Variants in DOCK5 observed in about 807,000 individuals in gnomAD.
DOCK5 encodes the protein dedicator of cytokinesis 5.
In DOCK5, 142 loss-of-function variants were observed where a neutral mutation model predicts 251.8. That is an observed-to-expected ratio of 0.56 (90% CI 0.49 to 0.65). The LOEUF (loss-of-function observed/expected upper bound fraction) is 0.65. Among genes scored for constraint, DOCK5 ranks in the 30% least tolerant of loss-of-function variants. The probability of loss-of-function intolerance (pLI) is 0.00; values close to 1 mark genes in which losing one functional copy is unlikely to be tolerated. For synonymous variants in DOCK5, 842 were observed against 835.5 expected (o/e 1.01, Z -0.13); for missense variants, 2,111 against 2,312.3 (o/e 0.91, Z 1.79).
intron 28 of DOCK5, among the ~76,000 whole-genome samples, chr8:25,359,523 C>G (rs113230978): frequency 6.6e-6 from 1 of 152,308 alleles, no homozygotes; most frequent in East Asian, 1.9e-4. Flanking sequence ...GGAACCTGGC[C>G]GCACAGCAGG....
chr8:25,371,696 T>A (rs984419167), intron 34 of DOCK5, among the ~76,000 whole-genome samples: 8 of 152,236 alleles, frequency 5.3e-5, no homozygotes, highest in Non-Finnish European at 7.3e-5. Context: ...ACACAATATT[T>A]ATACATGATA....
chr8:25,338,747 A>C (rs1044430966), intron 22 of DOCK5, among the ~76,000 whole-genome samples: 1 of 152,246 alleles, frequency 6.6e-6, no homozygotes, highest in African/African-American at 2.4e-5. Context: ...CTCTTACCCA[A>C]AAGTTTGTAT....
At chr8:25,295,070 C>T (rs1804584305) in intron 6 of DOCK5, among the ~76,000 whole-genome samples, 1 of 152,138 alleles carries the variant, frequency 6.6e-6, no homozygotes, top group African/African-American at 2.4e-5. Flanking sequence ...CAAGAGCTAA[C>T]ATTTATGCTT....
chr8:25,304,097 C>G (rs527957633), intron 10 of DOCK5, among the ~76,000 whole-genome samples, 158 bp from the exon 11 acceptor site: 1 of 152,306 alleles, frequency 6.6e-6, no homozygotes, highest in African/African-American at 2.4e-5. Context: ...GGGCTAGGTA[C>G]ACTGGGAATC....
intron 1 of DOCK5, among the ~76,000 whole-genome samples, chr8:25,194,834 C>G (rs2117447516): frequency 6.6e-6 from 1 of 152,274 alleles, no homozygotes; most frequent in Middle Eastern, 3.4e-3. Context: ...TGTCCTTCCT[C>G]CAAAATATGT....
Position 25,411,210 on chromosome 8 carries a change from C to G in DOCK5, c.5525C>G (p.Pro1842Arg). Reference sequence around the variant, plus strand: ...CTTCTGCAGCTCGCTCCCCCACTGCCTGTCCGAAGAGAAGCCAAAGCACCA... The same window carrying G: ...CTTCTGCAGCTCGCTCCCCCACTGCGTGTCCGAAGAGAAGCCAAAGCACCA... ...RNSTELAPPL[P>R]VRREAKAPPP... The change falls in exon 52 of 52, where the codon CCT becomes CGT. Residue 1842 changes from proline to arginine, a missense_variant. Pro to Arg is a moderately radical substitution (Grantham distance 103). This residue lies in a region of DOCK5 where 1,717 missense variants were observed against 1,892.4 expected (regional missense o/e 0.91). Coordinates refer to ENST00000276440, the MANE Select transcript of DOCK5 (RefSeq NM_024940.8). 1 of 1,589,434 alleles carries G rather than the reference C, an allele frequency of 6.3e-7. No homozygotes were observed. The highest frequency in any genetic ancestry group is 8.5e-7 in the Non-Finnish European group (1 of 1,169,752).
intron 27 of DOCK5, 45 bp from the exon 28 acceptor site, chr8:25,358,918 G>T: frequency 6.5e-7 from 1 of 1,544,886 alleles, no homozygotes; most frequent in Non-Finnish European, 8.9e-7. Flanking sequence ...TTTGTCAGTT[G>T]GTGGTCTAAG....
chr8:25,215,600 G>A (rs150549835), intron 1 of DOCK5, among the ~76,000 whole-genome samples: 91 of 152,124 alleles, frequency 6.0e-4, no homozygotes, highest in African/African-American at 2.2e-3. Context: ...CCCAAGCAGG[G>A]CAGGAGAGCA....
intron 27 of DOCK5, 93 bp downstream of exon 27, chr8:25,351,919 T>A: frequency 1.1e-6 from 1 of 879,770 alleles, no homozygotes; most frequent in Non-Finnish European, 1.8e-6. Flanking sequence ...CTTGAGACTA[T>A]TCTTCACATG....
chr8:25,238,560 A>G (rs1802859598), intron 1 of DOCK5, among the ~76,000 whole-genome samples: 2 of 152,206 alleles, frequency 1.3e-5, no homozygotes, highest in South Asian at 4.1e-4. Context: ...TTCCAGTGAA[A>G]GGCATTCTTG....
At chr8:25,261,888 T>C (rs910998484) in intron 2 of DOCK5, among the ~76,000 whole-genome samples, 2 of 152,236 alleles carry the variant, frequency 1.3e-5, no homozygotes, top group Non-Finnish European at 2.9e-5. Flanking sequence ...CTTTCACTTA[T>C]TGTAATGGTT....
Position 25,342,381 on chromosome 8 carries a change from C to T in DOCK5, c.2511-20C>T, listed in dbSNP as rs368150062. 1.7e-5 allele frequency: 26 copies of T among 1,558,848 alleles called. No homozygotes were observed. Among genetic ancestry groups the T allele is most frequent in the Non-Finnish European group, 2.0e-5 (23 of 1,147,350 alleles). On this transcript the variant is annotated intron_variant, in intron 24 of 51. Coordinates refer to ENST00000276440, the MANE Select transcript of DOCK5 (RefSeq NM_024940.8). ...TTTGGCAGAACGAAGACACTACTAA[C>T]CCTGAGGTTTCTCTCCCAGCGTGCT...
intron 35 of DOCK5, among the ~76,000 whole-genome samples, chr8:25,373,121 T>G (rs1240821407): frequency 1.3e-5 from 2 of 151,780 alleles, no homozygotes; most frequent in Non-Finnish European, 2.9e-5. Context: ...TGCCTCAGCC[T>G]CCCAAGTAGC....
chr8:25,278,750 T>C, intron 5 of DOCK5, 85 bp downstream of exon 5: 1 of 1,237,884 alleles, frequency 8.1e-7, no homozygotes, highest in Non-Finnish European at 1.2e-6. Context: ...GGCCCCTTAT[T>C]GCTGACTTCA....
chr8:25,369,554 A>C lies in DOCK5; in HGVS notation c.3439-2A>C. 1 of 1,607,430 alleles carries C rather than the reference A, an allele frequency of 6.2e-7. No individual in the cohort carries two copies. Among genetic ancestry groups the C allele is most frequent in the Non-Finnish European group, 8.5e-7 (1 of 1,176,794 alleles). On this transcript the variant is annotated splice_acceptor_variant, in intron 33 of 51. Transcript: ENST00000276440. LOFTEE classifies it high-confidence loss of function. ...CCTGTGAAATTCTGCCTCTACTTTCAGTTTGAGAATGAGCTGATCACAAAG... is the reference window on the plus strand; with the variant it reads ...CCTGTGAAATTCTGCCTCTACTTTCCGTTTGAGAATGAGCTGATCACAAAG...
chr8:25,329,462 A>C (rs1805633875), intron 18 of DOCK5, among the ~76,000 whole-genome samples: 2 of 152,166 alleles, frequency 1.3e-5, no homozygotes, highest in African/African-American at 4.8e-5. Flanking sequence ...AATGTAGTTA[A>C]TAATTGAACT....
In DOCK5 at chr8:25,368,645, C is replaced by G; in HGVS notation, c.3358C>G (p.Leu1120Val). The change falls in exon 33 of 52, where the codon CTC becomes GTC. Residue 1120 changes from leucine (L) to valine (V), a missense_variant. Leu to Val is a conservative substitution (Grantham distance 32). This residue lies in a region of DOCK5 where 1,717 missense variants were observed against 1,892.4 expected (regional missense o/e 0.91). Transcript: ENST00000276440. Reference sequence around the variant, plus strand: ...GGTCACTCTGACCCCTGAAGTAGAGCTCCGGAAAGCCACAATCCCCATTTT... The same window carrying G: ...GGTCACTCTGACCCCTGAAGTAGAGGTCCGGAAAGCCACAATCCCCATTTT... ...LEVTLTPEVE[L>V]RKATIPIFFD... 6.2e-7 allele frequency: 1 copy of G among 1,613,900 alleles called. No homozygotes were observed. Among genetic ancestry groups the G allele is most frequent in the South Asian group, 1.1e-5 (1 of 91,038 alleles).
chr8:25,363,013 A>G, intron 28 of DOCK5, 34 bp from the exon 29 acceptor site: 1 of 1,550,876 alleles, frequency 6.4e-7, no homozygotes, highest in Admixed American at 1.7e-5. Context: ...AACGTAACCC[A>G]GTTTTCCCCC....
intron 1 of DOCK5, among the ~76,000 whole-genome samples, chr8:25,192,553 T>G (rs529073752): frequency 9.5e-4 from 145 of 152,360 alleles, no homozygotes; most frequent in African/African-American, 3.4e-3. Context: ...TTGCCCAGGC[T>G]GGAGTGCAGT....
Sources: allele counts gnomAD v4.1 joint callset (sites outside exome capture counted in the v4.1 genomes callset), GRCh38; gene constraint gnomAD v4.1.1; regional missense constraint gnomAD v4.1.1; transcripts MANE v1.5; gene names NCBI Gene and HGNC (gene_info 2026-07-23, HGNC 2026-07-21).